The following CDC25B variants were observed in gnomAD, a reference collection of about 807,000 sequenced individuals.
CDC25B encodes cell division cycle 25B.
CDC25B carries 33 observed loss-of-function variants against 69.8 expected under a neutral mutation model. The ratio of observed to expected loss-of-function variants is 0.47; its 90% CI spans 0.36 to 0.63. CDC25B has a LOEUF of 0.63. Among genes scored for constraint, CDC25B ranks in the 30% least tolerant of loss-of-function variants. The pLI is 0.00. For synonymous variants in CDC25B, 341 were observed against 314.6 expected (o/e 1.08, Z -0.89); for missense variants, 727 against 809.1 (o/e 0.90, Z 1.23).
chr20:3,795,935 C>T (rs769565371), upstream of CDC25B: 2 of 986,856 alleles, frequency 2.0e-6, no homozygotes, highest in Non-Finnish European at 2.4e-6. Flanking sequence ...GTTTAGCAAA[C>T]TTCCGGGAGC....
chr20:3,801,545 GAGA>G (rs2089283870), intron 8 of CDC25B, 157 bp downstream of exon 8: 10 of 1,116,718 alleles, frequency 9.0e-6, no homozygotes, highest in African/African-American at 1.6e-5. Context: ...TGGCCAATGA[GAGA>G]AGAACAGGTG....
Position 3,800,214 on chromosome 20 carries a change from C to T in CDC25B, c.381-74C>T, listed in dbSNP as rs1222165105. On this transcript the variant is annotated intron_variant, in intron 3 of 15. Transcript: ENST00000245960. ...GTCTTTGCCCTTACTCCCCCCTGGA[C>T]TGGGGGCCTGGTGCTGGGGTGGGTG... 9 of 1,462,600 alleles carry T rather than the reference C, an allele frequency of 6.2e-6. No homozygotes were observed. In the East Asian group the frequency reaches 9.1e-5, roughly 15 times the overall value. 90.6% of individuals were successfully genotyped at this position (1,462,600 alleles called of 1,614,324 possible). A position where few individuals can be genotyped will look rare whatever the true frequency, so the allele number is the denominator to read the frequency against.
At chr20:3,790,849 C>T (rs910295604) in intron 1 of CDC25B, among the ~76,000 whole-genome samples, 4 of 151,786 alleles carry the variant, frequency 2.6e-5, no homozygotes, top group East Asian at 4.0e-4. Context: ...GGATTACAGG[C>T]GTGAGCCACC....
chr20:3,804,932 G>C lies in CDC25B; in HGVS notation c.1714G>C (p.Glu572Gln). Residue 572 changes from glutamate (E) to glutamine (Q), a missense_variant, in exon 16 of 16, where the codon GAG becomes CAG. By Grantham distance (29) the Glu-to-Gln change is conservative. This residue lies in a region of CDC25B where 359 missense variants were observed against 463.4 expected (regional missense o/e 0.77). Transcript: ENST00000245960. ...RSWAGERSRR[E>Q]LCSRLQDQ ...CTGGGCTGGGGAGCGGAGCCGGCGG[G>C]AGCTCTGTAGCCGGCTGCAGGACCA... 1 of 1,613,418 alleles carries C rather than the reference G, an allele frequency of 6.2e-7. No homozygotes were observed. Among genetic ancestry groups the C allele is most frequent in the East Asian group, 2.2e-5 (1 of 44,890 alleles).
chr20:3,795,680 T>C (rs2089010015), upstream of CDC25B: 2 of 984,092 alleles, frequency 2.0e-6, no homozygotes, highest in African/African-American at 3.5e-5. Flanking sequence ...TCAGTTCCGC[T>C]TGGGGGCCCC....
chr20:3,789,872 C>T (rs8182869), intron 1 of CDC25B, among the ~76,000 whole-genome samples: 79,392 of 151,424 alleles, frequency 0.52, 21,066 homozygotes, highest in East Asian at 0.69. Context: ...GCCTGTAGTC[C>T]GAGCTACTCA....
upstream of CDC25B, chr20:3,796,301 G>A (rs2089035795): frequency 5.1e-6 from 7 of 1,363,060 alleles, no homozygotes; most frequent in Middle Eastern, 2.7e-4. Flanking sequence ...GGAAGTGGCA[G>A]CTGCAACTAG....
upstream of CDC25B, among the ~76,000 whole-genome samples, chr20:3,795,352 C>G (rs1320542461): frequency 1.0e-5 from 1 of 95,690 alleles, no homozygotes; most frequent in Non-Finnish European, 2.1e-5. Flanking sequence ...GAGGGAGACT[C>G]CATCCCAAAA....
intron 3 of CDC25B, among the ~76,000 whole-genome samples, chr20:3,799,521 T>TGCGC (rs1555774234): frequency 2.6e-4 from 13 of 50,654 alleles, no homozygotes; most frequent in African/African-American, 1.1e-3. Context: ...TGTGTGTGTG[T>TGCGC]GTGTGCGCGC....
At chr20:3,795,679 C>A, upstream of CDC25B, 1 of 983,922 alleles carries the variant, frequency 1.0e-6, no homozygotes, top group Non-Finnish European at 1.2e-6. Flanking sequence ...ATCAGTTCCG[C>A]TTGGGGGCCC....
chr20:3,790,145 G>A (rs2088890202), intron 1 of CDC25B, among the ~76,000 whole-genome samples: 1 of 151,574 alleles, frequency 6.6e-6, no homozygotes, highest in Non-Finnish European at 1.5e-5. Flanking sequence ...AACAAACTTT[G>A]TTTTGAAAGA....
intron 2 of CDC25B, among the ~76,000 whole-genome samples, 197 bp from the exon 3 acceptor site, chr20:3,798,215 T>G (rs534286779): frequency 4.6e-5 from 7 of 151,766 alleles, no homozygotes; most frequent in African/African-American, 1.7e-4. Flanking sequence ...AAACAGGGAG[T>G]GGAGCCCTGT....
At chr20:3,799,559 G>A (rs1205230292) in intron 3 of CDC25B, among the ~76,000 whole-genome samples, 1 of 151,700 alleles carries the variant, frequency 6.6e-6, no homozygotes, top group Non-Finnish European at 1.5e-5. Flanking sequence ...AAAGCTCCGC[G>A]TGGCAGGTGG....
chr20:3,795,085 G>A (rs1271311405), upstream of CDC25B, among the ~76,000 whole-genome samples: 1 of 152,196 alleles, frequency 6.6e-6, no homozygotes, highest in Non-Finnish European at 1.5e-5. Flanking sequence ...AGATGGGCCG[G>A]GCACAGTGGC....
At position 3,801,954 on chromosome 20, in the gene CDC25B, C is replaced by T. The variant is rs771328061; in HGVS notation, c.952C>T (p.Leu318Phe). The change falls in exon 10 of 16, where the codon CTC (leucine) becomes TTC (phenylalanine). Residue 318 changes from leucine (L) to phenylalanine (F), a missense_variant. Around this residue, in one of 2 missense-constraint regions of CDC25B, gnomAD observed 359 missense variants for 463.4 expected, o/e 0.77. Transcript: ENST00000245960. Reference sequence around the variant, plus strand: ...CGTCATGTACAGCAAGTGCCAGCGGCTCTTCCGCTCTCCGTCCATGCCCTG... The same window carrying T: ...CGTCATGTACAGCAAGTGCCAGCGGTTCTTCCGCTCTCCGTCCATGCCCTG... ...DLVMYSKCQR[L>F]FRSPSMPCSV... The T allele has an allele frequency of 1.4e-5, 23 of 1,612,164 alleles. 1 individual carries two copies. The Admixed American group carries it at 1.7e-4, about 12-fold the overall frequency.
At chr20:3,790,836 C>T (rs1231600968) in intron 1 of CDC25B, among the ~76,000 whole-genome samples, 2 of 151,486 alleles carry the variant, frequency 1.3e-5, no homozygotes, top group Non-Finnish European at 2.9e-5. Flanking sequence ...TCCCAAAGTG[C>T]TGGGATTACA....
chr20:3,795,754 G>T (rs1490617856), upstream of CDC25B: 1 of 985,420 alleles, frequency 1.0e-6, no homozygotes, highest in Non-Finnish European at 1.2e-6. Flanking sequence ...GCTGCTCAGC[G>T]CAGCCAGTCG....
chr20:3,794,357 G>A (rs1221744613), upstream of CDC25B, among the ~76,000 whole-genome samples: 1 of 150,376 alleles, frequency 6.6e-6, no homozygotes, highest in East Asian at 2.0e-4. Context: ...CAGTGATGAT[G>A]AGCATTTTTT....
intron 5 of CDC25B, 63 bp downstream of exon 5, chr20:3,800,561 A>G: frequency 6.3e-7 from 1 of 1,597,412 alleles, no homozygotes; most frequent in South Asian, 1.1e-5. Flanking sequence ...GTAGATGAGC[A>G]GGATGCATTC....
Sources: allele counts gnomAD v4.1 joint callset (sites outside exome capture counted in the v4.1 genomes callset), GRCh38; gene constraint gnomAD v4.1.1; regional missense constraint gnomAD v4.1.1; transcripts MANE v1.5; gene names NCBI Gene and HGNC (gene_info 2026-07-23, HGNC 2026-07-21).